SRPK2: variants seen among roughly 807,000 people sequenced by gnomAD.
SRPK2 encodes the protein SRSF protein kinase 2.
Under a neutral mutation model 90.8 loss-of-function variants are expected in SRPK2, and 21 were observed. The ratio of observed to expected loss-of-function variants is 0.23; its 90% CI spans 0.16 to 0.33. SRPK2 has a LOEUF of 0.33. SRPK2 is among the 10% of genes least tolerant of loss of function. The probability of loss-of-function intolerance (pLI) is 1.00; values close to 1 mark genes in which losing one functional copy is unlikely to be tolerated. For missense variants in SRPK2, 620 were observed against 869.0 expected, an observed-to-expected ratio of 0.71 and a Z score of 3.60; for synonymous variants, 288 against 311.1, an observed-to-expected ratio of 0.93 and a Z score of 0.78.
chr7:105,263,278 G>A (rs967052629), intron 2 of SRPK2, among the ~76,000 whole-genome samples: 11 of 151,550 alleles, frequency 7.3e-5, no homozygotes, highest in African/African-American at 1.9e-4. Flanking sequence ...AGCTGAGATC[G>A]CTCCACTTTA....
At chr7:105,229,435 G>A (rs1346475291) in intron 2 of SRPK2, among the ~76,000 whole-genome samples, 1 of 151,688 alleles carries the variant, frequency 6.6e-6, no homozygotes, top group Non-Finnish European at 1.5e-5. Context: ...CTGCACTCCA[G>A]CCTGGGCGAC....
chr7:105,131,730 G>T (rs1802033960), intron 13 of SRPK2, among the ~76,000 whole-genome samples: 1 of 152,152 alleles, frequency 6.6e-6, no homozygotes, highest in Non-Finnish European at 1.5e-5. Context: ...CTGAATAACA[G>T]AAAATTAATA....
intron 6 of SRPK2, 121 bp from the exon 7 acceptor site, chr7:105,160,734 A>G (rs1807491648): frequency 3.6e-6 from 2 of 562,244 alleles, no homozygotes; most frequent in Admixed American, 3.1e-5. Flanking sequence ...CATCAACCCT[A>G]TCAGTAATAC....
intron 2 of SRPK2, among the ~76,000 whole-genome samples, chr7:105,300,535 C>G (rs1810413536): frequency 6.6e-6 from 1 of 152,158 alleles, no homozygotes; most frequent in Non-Finnish European, 1.5e-5. Flanking sequence ...TAATGCACAT[C>G]TAAGCTTCAT....
At chr7:105,248,015 C>T (rs1415221976) in intron 2 of SRPK2, among the ~76,000 whole-genome samples, 4 of 152,016 alleles carry the variant, frequency 2.6e-5, no homozygotes, top group African/African-American at 7.3e-5. Flanking sequence ...CCACCACACC[C>T]GATTAATTCT....
intron 2 of SRPK2, among the ~76,000 whole-genome samples, chr7:105,268,116 C>A (rs550038772): frequency 6.6e-6 from 1 of 152,282 alleles, no homozygotes; most frequent in African/African-American, 2.4e-5. Flanking sequence ...TAAGGCAAAA[C>A]AGTCATTTTA....
intron 2 of SRPK2, among the ~76,000 whole-genome samples, chr7:105,353,669 C>T (rs1817471893): frequency 6.6e-6 from 1 of 152,060 alleles, no homozygotes; most frequent in Non-Finnish European, 1.5e-5. Context: ...ATTCATCAGG[C>T]CCATGTTCCT....
chr7:105,152,341 G>A (rs1805820557), intron 7 of SRPK2, among the ~76,000 whole-genome samples: 1 of 151,904 alleles, frequency 6.6e-6, no homozygotes, highest in Admixed American at 6.6e-5. Context: ...TAGAGACGGG[G>A]TTTTCGCCAT....
chr7:105,239,328 A>G (rs1800515985), intron 2 of SRPK2, among the ~76,000 whole-genome samples: 1 of 152,200 alleles, frequency 6.6e-6, no homozygotes, highest in Non-Finnish European at 1.5e-5. Context: ...CAGAAAGCAC[A>G]AAGTATAGAT....
rs180847962 is a variant in SRPK2, at chr7:105,280,894, C to A, written c.72-77109G>T. On this transcript the variant is annotated intron_variant, in intron 2 of 15. Transcript: ENST00000393651. Reference sequence around the variant, plus strand: ...CCCAGGAGGCAGAGTTTGCAGTGAGCCGAGATAGCGCCACTGCACTCCAGC... The same window carrying A: ...CCCAGGAGGCAGAGTTTGCAGTGAGACGAGATAGCGCCACTGCACTCCAGC... Among the ~76,000 whole-genome samples the A allele has an allele frequency of 2.9e-3, 344 of 116,616 alleles. 1 individual carries two copies. The highest frequency in any genetic ancestry group is 0.011 in the African/African-American group (331 of 30,536). 76.5% of individuals were successfully genotyped at this position (116,616 alleles called of 152,430 possible). A position where few individuals can be genotyped will look rare whatever the true frequency, so the allele number is the denominator to read the frequency against.
intron 2 of SRPK2, among the ~76,000 whole-genome samples, chr7:105,326,689 G>T (rs911678310): frequency 6.6e-6 from 1 of 152,118 alleles, no homozygotes; most frequent in Non-Finnish European, 1.5e-5. Flanking sequence ...TTTTCAACCC[G>T]GCCTACAAAT....
intron 2 of SRPK2, among the ~76,000 whole-genome samples, chr7:105,271,265 T>C (rs1384054676): frequency 6.6e-6 from 1 of 152,228 alleles, no homozygotes; most frequent in Non-Finnish European, 1.5e-5. Context: ...CTAACGAAGT[T>C]AATGCCTATC....
intron 2 of SRPK2, among the ~76,000 whole-genome samples, chr7:105,277,147 G>A (rs13237076): frequency 0.054 from 8,257 of 151,956 alleles, 323 homozygotes; most frequent in Non-Finnish European, 0.075. Flanking sequence ...CGTGATCTCC[G>A]CTCACTGCAA....
At chr7:105,255,777 C>A in intron 2 of SRPK2, among the ~76,000 whole-genome samples, 1 of 151,950 alleles carries the variant, frequency 6.6e-6, no homozygotes. Context: ...ACTAAAAATA[C>A]AAAAATTAGC....
chr7:105,358,747 G>C (rs1218323258), intron 2 of SRPK2, among the ~76,000 whole-genome samples: 1 of 152,024 alleles, frequency 6.6e-6, no homozygotes, highest in Non-Finnish European at 1.5e-5. Context: ...ATTTGTCTTA[G>C]TCTATTTTTG....
At chr7:105,263,735 A>AAC (rs148704705) in intron 2 of SRPK2, among the ~76,000 whole-genome samples, 15 of 151,438 alleles carry the variant, frequency 9.9e-5, no homozygotes, top group South Asian at 4.2e-4. Flanking sequence ...TCTTAGGCAC[A>AAC]ACACACACAC....
At chr7:105,395,155 A>T (rs925027711) in intron 1 of SRPK2, among the ~76,000 whole-genome samples, 3 of 152,184 alleles carry the variant, frequency 2.0e-5, no homozygotes, top group Admixed American at 2.0e-4. Context: ...CCTGGGCAAC[A>T]GAGTGAGACT....
At chr7:105,160,860 G>A (rs1415769207) in intron 6 of SRPK2, among the ~76,000 whole-genome samples, 1 of 152,098 alleles carries the variant, frequency 6.6e-6, no homozygotes, top group Non-Finnish European at 1.5e-5. Context: ...ATACCAAAAT[G>A]TACATATGCT....
chr7:105,398,450 C>T (rs956850892), intron 1 of SRPK2, among the ~76,000 whole-genome samples: 1 of 151,306 alleles, frequency 6.6e-6, no homozygotes, highest in Non-Finnish European at 1.5e-5. Flanking sequence ...ATGGCGCAAC[C>T]TCAGCTCACT....
Sources: gnomAD v4.1 joint callset for allele counts (sites outside exome capture counted in the v4.1 genomes callset) on GRCh38, gnomAD v4.1.1 for gene constraint, MANE v1.5 for transcripts, NCBI Gene and HGNC (gene_info 2026-07-23, HGNC 2026-07-21) for gene names.